Variants in ANAPC10 observed in about 807,000 individuals in gnomAD.
The protein encoded by ANAPC10 is anaphase promoting complex subunit 10.
In ANAPC10, 12 loss-of-function variants were observed where a neutral mutation model predicts 22.0. The observed-to-expected ratio is 0.55, with a 90% CI of 0.35 to 0.88. The LOEUF is 0.88. ANAPC10 is among the 40% of genes least tolerant of loss of function. The pLI, the probability that ANAPC10 is intolerant of heterozygous loss-of-function variation, is 0.01. For missense variants in ANAPC10, 188 were observed against 220.9 expected (o/e 0.85, Z 0.94); for synonymous variants, 65 against 69.5 (o/e 0.94, Z 0.32).
chr4:145,034,810 C>CAG (rs1316683887), intron 4 of ANAPC10, among the ~76,000 whole-genome samples: 2 of 151,850 alleles, frequency 1.3e-5, no homozygotes, highest in Non-Finnish European at 2.9e-5. Flanking sequence ...TCTGATGAAA[C>CAG]TGTCTGTCAG....
At chr4:145,032,706 C>A (rs1737811728) in intron 4 of ANAPC10, among the ~76,000 whole-genome samples, 1 of 152,168 alleles carries the variant, frequency 6.6e-6, no homozygotes, top group South Asian at 2.1e-4. Context: ...GTGGCTACGG[C>A]CACTGATGAA....
At chr4:145,070,094 G>A (rs993000231) in intron 3 of ANAPC10, among the ~76,000 whole-genome samples, 1 of 152,156 alleles carries the variant, frequency 6.6e-6, no homozygotes, top group African/African-American at 2.4e-5. Context: ...CTCAATAAAA[G>A]TTTAAAGCAG....
At chr4:145,077,488 C>A (rs1173593428) in intron 3 of ANAPC10, among the ~76,000 whole-genome samples, 1 of 152,068 alleles carries the variant, frequency 6.6e-6, no homozygotes, top group Non-Finnish European at 1.5e-5. Flanking sequence ...TTGCAAAAAA[C>A]TGAGAGGAAG....
rs33923494 is a variant in ANAPC10 at position 145,097,618 on chromosome 4, C to T, written c.-13+502G>A. ...ACTTTGGCAAGGCCTGAGGCTTAAA[C>T]GCTCAATAAGTAATTTACTGAATGA... On this transcript the variant is annotated intron_variant, in intron 1 of 4. Transcript: ENST00000507656. 1,070 of 935,532 alleles carry T rather than the reference C, an allele frequency of 1.1e-3. 7 individuals are homozygous for T. In the African/African-American group the frequency reaches 0.015, roughly 13 times the overall value. The allele number at this position is 935,532 out of a possible 1,614,324, so 58.0% of individuals were successfully genotyped here.
At chr4:145,012,132 C>T (rs1392497469) in intron 4 of ANAPC10, among the ~76,000 whole-genome samples, 1 of 150,432 alleles carries the variant, frequency 6.6e-6, no homozygotes, top group Non-Finnish European at 1.5e-5. Context: ...AATAGAAAAA[C>T]AGTGTGGGCC....
chr4:145,016,186 G>C (rs938478296), intron 4 of ANAPC10, among the ~76,000 whole-genome samples: 2 of 152,180 alleles, frequency 1.3e-5, no homozygotes, highest in African/African-American at 4.8e-5. Flanking sequence ...AATTGTCCCT[G>C]TTTGCAGATG....
chr4:145,068,682 C>G (rs546806332), intron 3 of ANAPC10, among the ~76,000 whole-genome samples: 1 of 152,278 alleles, frequency 6.6e-6, no homozygotes, highest in East Asian at 1.9e-4. Context: ...GAGGCTGAGG[C>G]AGGCAGATCA....
chr4:145,085,353 T>A (rs1746707812), intron 2 of ANAPC10, among the ~76,000 whole-genome samples: 1 of 152,176 alleles, frequency 6.6e-6, no homozygotes. Flanking sequence ...GTTTTTGAGT[T>A]CCCTAGTAAA....
At chr4:145,093,491 A>G (rs1260380485) in intron 2 of ANAPC10, among the ~76,000 whole-genome samples, 1 of 152,062 alleles carries the variant, frequency 6.6e-6, no homozygotes, top group Non-Finnish European at 1.5e-5. Flanking sequence ...ATAAACAGAA[A>G]CAGACCCAGA....
At chr4:145,026,123 A>G (rs1374171779) in intron 4 of ANAPC10, among the ~76,000 whole-genome samples, 4 of 152,140 alleles carry the variant, frequency 2.6e-5, no homozygotes, top group Non-Finnish European at 4.4e-5. Context: ...TTTCCTACAA[A>G]TCTCACCTCC....
At chr4:145,019,029 T>C (rs1354354623) in intron 4 of ANAPC10, among the ~76,000 whole-genome samples, 1 of 152,126 alleles carries the variant, frequency 6.6e-6, no homozygotes, top group African/African-American at 2.4e-5. Flanking sequence ...CTGACAGCAC[T>C]AGACAGGTCA....
intron 3 of ANAPC10, among the ~76,000 whole-genome samples, chr4:145,067,123 A>G (rs1013762184): frequency 6.6e-6 from 1 of 152,350 alleles, no homozygotes; most frequent in South Asian, 2.1e-4. Context: ...GGTAGAGTAA[A>G]AAATTTTAAA....
At chr4:145,052,485 C>T (rs1010179141) in intron 4 of ANAPC10, among the ~76,000 whole-genome samples, 1 of 152,104 alleles carries the variant, frequency 6.6e-6, no homozygotes, top group African/African-American at 2.4e-5. Flanking sequence ...GTTGTTCTCA[C>T]AGATAAAATA....
chr4:145,020,874 A>T (rs1011979439), intron 4 of ANAPC10, among the ~76,000 whole-genome samples: 1 of 152,074 alleles, frequency 6.6e-6, no homozygotes, highest in African/African-American at 2.4e-5. Context: ...AAAAAAACTT[A>T]GGAATATACC....
chr4:145,026,059 C>T (rs1311835568), intron 4 of ANAPC10, among the ~76,000 whole-genome samples: 2 of 152,168 alleles, frequency 1.3e-5, no homozygotes, highest in Admixed American at 1.3e-4. Context: ...ATCTCACCTC[C>T]CTTCCTCTTG....
At chr4:145,007,637 A>C (rs746281523) in intron 4 of ANAPC10, among the ~76,000 whole-genome samples, 60 of 152,340 alleles carry the variant, frequency 3.9e-4, no homozygotes, top group Non-Finnish European at 4.3e-4. Context: ...AATGAGAACA[A>C]AGACACAACA....
chr4:145,067,566 A>C (rs1743890685), intron 3 of ANAPC10, among the ~76,000 whole-genome samples: 1 of 152,176 alleles, frequency 6.6e-6, no homozygotes, highest in Non-Finnish European at 1.5e-5. Context: ...GATGGGTAAG[A>C]CTGTTTAATT....
chr4:145,023,371 T>G (rs778739690), intron 4 of ANAPC10, among the ~76,000 whole-genome samples: 1 of 152,210 alleles, frequency 6.6e-6, no homozygotes, highest in Admixed American at 6.5e-5. Context: ...TGCATGATTT[T>G]GGTCTCTGCT....
chr4:145,088,720 G>A (rs1017924965), intron 2 of ANAPC10, among the ~76,000 whole-genome samples: 3 of 152,072 alleles, frequency 2.0e-5, no homozygotes, highest in African/African-American at 7.2e-5. Flanking sequence ...TATCCACAGT[G>A]GACACAGTCA....
Sources: allele counts gnomAD v4.1 joint callset (sites outside exome capture counted in the v4.1 genomes callset), GRCh38; gene constraint gnomAD v4.1.1; transcripts MANE v1.5; gene names NCBI Gene and HGNC (gene_info 2026-07-23, HGNC 2026-07-21).